CYB5R4: variants seen among roughly 807,000 people sequenced by gnomAD.
CYB5R4 encodes the protein N-terminal cytochrome b5 and cytochrome b5 oxidoreductase domain-containing protein.
A neutral mutation model predicts 70.2 loss-of-function variants in CYB5R4; 55 were observed. That is an observed-to-expected ratio of 0.78 (90% CI 0.63 to 0.98). CYB5R4 has a LOEUF of 0.98. Among genes scored for constraint, CYB5R4 ranks in the 50% least tolerant of loss-of-function variants. The pLI is 0.00. For synonymous variants in CYB5R4, 197 were observed against 199.5 expected (o/e 0.99, Z 0.11); for missense variants, 562 against 612.6 (o/e 0.92, Z 0.87).
In CYB5R4 at chr6:83,893,627, G is replaced by C. The variant is rs1214733866; in HGVS notation, c.330+5G>C. 6.4e-7 allele frequency: 1 copy of C among 1,573,848 alleles called. No individual in the cohort carries two copies. Among genetic ancestry groups the C allele is most frequent in the African/African-American group, 1.4e-5 (1 of 73,846 alleles). ...GGTACTGAACTTTTTGATCAGGTAA[G>C]ATGTGCTGAAAGTAACCAAAGTATT... is the stretch of plus-strand genomic sequence containing the variant. On this transcript the variant is annotated splice_donor_5th_base_variant and intron_variant, in intron 3 of 15. Transcript: ENST00000369681.
chr6:83,923,655 G>A (rs1246490404), intron 9 of CYB5R4, among the ~76,000 whole-genome samples: 1 of 151,896 alleles, frequency 6.6e-6, no homozygotes, highest in African/African-American at 2.4e-5. Context: ...AAATAAAAAG[G>A]TAATCTAAAA....
intron 11 of CYB5R4, among the ~76,000 whole-genome samples, 196 bp downstream of exon 11, chr6:83,934,931 A>G (rs544128341): frequency 1.3e-5 from 2 of 152,214 alleles, no homozygotes; most frequent in Non-Finnish European, 2.9e-5. Flanking sequence ...CCACATTATC[A>G]TATGGAACAA....
intron 2 of CYB5R4, among the ~76,000 whole-genome samples, chr6:83,881,538 G>A (rs2099459439): frequency 1.3e-5 from 2 of 152,178 alleles, no homozygotes; most frequent in Admixed American, 1.3e-4. Context: ...GAGCTGCCTG[G>A]AATCTAATTC....
chr6:83,924,439 T>A (rs753386079), intron 9 of CYB5R4, 31 bp from the exon 10 acceptor site: 3 of 1,607,686 alleles, frequency 1.9e-6, no homozygotes, highest in Non-Finnish European at 2.5e-6. Context: ...TTAGTATCGA[T>A]GAACACAAAT....
rs575573949 is a variant in CYB5R4, at chr6:83,962,988, G to A, written c.*3110G>A. ...ATTCCCTTTCTGCCATATCTTTCTT[G>A]CCCTAGCAAGAGTTCACTGCTTTTA... On this transcript the variant is annotated 3_prime_UTR_variant, in exon 16 of 16. Transcript: ENST00000369681. 1 of 152,230 alleles carries A rather than the reference G, an allele frequency of 6.6e-6. No homozygotes were observed. The highest frequency in any genetic ancestry group is 1.9e-4 in the East Asian group (1 of 5,190). The allele number at this position is 152,230 out of a possible 1,614,324, so 9.4% of individuals were successfully genotyped here. A position where few individuals can be genotyped will look rare whatever the true frequency, so the allele number is the denominator to read the frequency against.
intron 2 of CYB5R4, among the ~76,000 whole-genome samples, chr6:83,880,347 C>G (rs755395017): frequency 2.0e-5 from 3 of 152,124 alleles, no homozygotes; most frequent in Non-Finnish European, 4.4e-5. Flanking sequence ...GACTCATTGG[C>G]TTTAATTTTT....
At chr6:83,939,929 GTATT>G (rs2099469493) in intron 12 of CYB5R4, 123 bp from the exon 13 acceptor site, 2 of 621,446 alleles carry the variant, frequency 3.2e-6, no homozygotes, top group African/African-American at 3.7e-5. Context: ...TGCAAGTTAA[GTATT>G]TATACTGTTA....
chr6:83,885,703 G>A (rs1161245089), intron 2 of CYB5R4, among the ~76,000 whole-genome samples: 4 of 152,120 alleles, frequency 2.6e-5, no homozygotes, highest in African/African-American at 9.7e-5. Flanking sequence ...TGAGCTATTT[G>A]TGATGTGATT....
intron 2 of CYB5R4, among the ~76,000 whole-genome samples, chr6:83,884,212 A>G: frequency 6.6e-6 from 1 of 152,124 alleles, no homozygotes; most frequent in Middle Eastern, 3.4e-3. Context: ...TCTTAATTAT[A>G]GATAATATAG....
chr6:83,946,287 G>A (rs933744127), intron 14 of CYB5R4, among the ~76,000 whole-genome samples: 2 of 152,104 alleles, frequency 1.3e-5, no homozygotes, highest in African/African-American at 2.4e-5. Flanking sequence ...ATCAATAAAC[G>A]TATTGCATCA....
chr6:83,943,825 T>C (rs1415721262), intron 14 of CYB5R4, among the ~76,000 whole-genome samples: 2 of 151,610 alleles, frequency 1.3e-5, no homozygotes, highest in Non-Finnish European at 2.9e-5. Flanking sequence ...CAAGTATCCA[T>C]AGCCAAATCG....
intron 3 of CYB5R4, among the ~76,000 whole-genome samples, chr6:83,894,952 G>A (rs984876537): frequency 6.6e-6 from 1 of 152,122 alleles, no homozygotes; most frequent in Non-Finnish European, 1.5e-5. Flanking sequence ...GTTCAAACCT[G>A]TGTTGTTCAA....
chr6:83,893,306 G>C (rs1037106974), intron 2 of CYB5R4, among the ~76,000 whole-genome samples: 3 of 152,146 alleles, frequency 2.0e-5, no homozygotes, highest in Admixed American at 2.0e-4. Context: ...GGAGTCTCTT[G>C]TTATCTGCCA....
intron 1 of CYB5R4, among the ~76,000 whole-genome samples, chr6:83,863,745 A>G (rs1588556753): frequency 6.6e-6 from 1 of 152,242 alleles, no homozygotes; most frequent in East Asian, 1.9e-4. Flanking sequence ...CAATAAAAAA[A>G]TAAGAATTAT....
chr6:83,949,656 T>C (rs1247764537), intron 14 of CYB5R4, among the ~76,000 whole-genome samples: 4 of 152,210 alleles, frequency 2.6e-5, no homozygotes, highest in Non-Finnish European at 5.9e-5. Context: ...ATAGGAATTA[T>C]GGATTCTGAG....
At chr6:83,932,291 T>C (rs1433619025) in intron 10 of CYB5R4, among the ~76,000 whole-genome samples, 2 of 152,168 alleles carry the variant, frequency 1.3e-5, no homozygotes, top group Non-Finnish European at 2.9e-5. Context: ...ATAACAAGAA[T>C]GCTGTGTCAA....
intron 14 of CYB5R4, among the ~76,000 whole-genome samples, chr6:83,951,528 T>C (rs2129145134): frequency 6.6e-6 from 1 of 152,304 alleles, no homozygotes; most frequent in East Asian, 1.9e-4. Context: ...AGTGAGAACA[T>C]GCAGTGTTTG....
chr6:83,961,903 TTA>T lies in CYB5R4; in HGVS notation c.*2029_*2030del, dbSNP rs2099473409. On this transcript the variant is annotated 3_prime_UTR_variant, in exon 16 of 16. Transcript: ENST00000369681. The stretch of plus-strand genomic sequence containing the variant: ...TGTTTATATTTTATTTATATTTTGT[TTA>T]TATTTTGTTATATTTTATTATATTT... The T allele has an allele frequency of 6.7e-6, 1 of 148,292 alleles. No homozygotes were observed. The highest frequency in any genetic ancestry group is 1.5e-5 in the Non-Finnish European group (1 of 67,564). 9.2% of individuals were successfully genotyped at this position (148,292 alleles called of 1,614,324 possible). A position where few individuals can be genotyped will look rare whatever the true frequency, so the allele number is the denominator to read the frequency against.
At chr6:83,945,920 G>C (rs915052679) in intron 14 of CYB5R4, among the ~76,000 whole-genome samples, 1 of 152,130 alleles carries the variant, frequency 6.6e-6, no homozygotes, top group Non-Finnish European at 1.5e-5. Flanking sequence ...CTGAAACTGA[G>C]GTAGTAATTA....
Sources: gnomAD v4.1 joint callset for allele counts (sites outside exome capture counted in the v4.1 genomes callset) on GRCh38, gnomAD v4.1.1 for gene constraint, MANE v1.5 for transcripts, NCBI Gene and HGNC (gene_info 2026-07-23, HGNC 2026-07-21) for gene names.